Variants in GSE1 observed in about 807,000 individuals in gnomAD.
The protein encoded by GSE1 is Gse1 coiled-coil protein.
GSE1 carries 32 observed loss-of-function variants against 112.6 expected under a neutral mutation model. That is an observed-to-expected ratio of 0.28 (90% CI 0.21 to 0.38). The LOEUF (loss-of-function observed/expected upper bound fraction) is 0.38, where lower values mean the gene tolerates loss of function less well. Ranked by LOEUF, GSE1 falls within the 10% of genes least tolerant of loss-of-function variation. GSE1 has a pLI of 1.00. For missense variants in GSE1, 2,348 were observed against 1,699.2 expected, an observed-to-expected ratio of 1.38 and a Z score of -6.71; for synonymous variants, 1,115 against 735.6, an observed-to-expected ratio of 1.52 and a Z score of -8.35.
At chr16:85,219,113 C>A (rs1258534716) in intron 1 of GSE1, among the ~76,000 whole-genome samples, 1 of 152,150 alleles carries the variant, frequency 6.6e-6, no homozygotes, top group Non-Finnish European at 1.5e-5. Context: ...TCTCCGGACT[C>A]ATGATCCGCC....
chr16:85,384,492 C>G (rs1397643201), intron 2 of GSE1, among the ~76,000 whole-genome samples: 1 of 152,212 alleles, frequency 6.6e-6, no homozygotes, highest in Non-Finnish European at 1.5e-5. Context: ...CCAGATGTGT[C>G]AGAGGGTCCT....
Position 85,436,377 on chromosome 16 carries a change from C to T in GSE1, c.2464+78734C>T, listed in dbSNP as rs552684501. On this transcript the variant is annotated intron_variant, in intron 2 of 2. Coordinates refer to the GSE1 transcript ENST00000637419. ...TGGATCCTGGCCCAGCCCATCCTAG[C>T]CCTGAGTCCAGCCCCAGCATCCCGG... Among the ~76,000 whole-genome samples, 6 of 152,364 alleles carry T rather than the reference C, an allele frequency of 3.9e-5. No individual in the cohort carries two copies. In the East Asian group the frequency reaches 1.2e-3, roughly 29 times the overall value.
intron 2 of GSE1, among the ~76,000 whole-genome samples, chr16:85,457,679 C>A (rs1452923903): frequency 6.6e-6 from 1 of 152,204 alleles, no homozygotes; most frequent in African/African-American, 2.4e-5. Context: ...AGGAAGGAGA[C>A]TTGGGGGTGA....
At chr16:85,258,073 G>T (rs549091870) in intron 1 of GSE1, among the ~76,000 whole-genome samples, 6 of 152,322 alleles carry the variant, frequency 3.9e-5, no homozygotes, top group Non-Finnish European at 5.9e-5. Context: ...TGCCCCCATG[G>T]GCAAAACATT....
chr16:85,651,450 A>G (rs2051348161), intron 3 of GSE1, among the ~76,000 whole-genome samples: 1 of 152,110 alleles, frequency 6.6e-6, no homozygotes, highest in Non-Finnish European at 1.5e-5. Flanking sequence ...CAGGCCAGGA[A>G]GGTGCCATCT....
intron 1 of GSE1, among the ~76,000 whole-genome samples, chr16:85,242,562 G>T (rs1905249811): frequency 6.6e-6 from 1 of 152,244 alleles, no homozygotes; most frequent in African/African-American, 2.4e-5. Flanking sequence ...TTACAGATGG[G>T]TGCACTGAGG....
chr16:85,172,182 C>T (rs558146436), intron 1 of GSE1, among the ~76,000 whole-genome samples: 24 of 152,314 alleles, frequency 1.6e-4, no homozygotes, highest in African/African-American at 5.5e-4. Context: ...TTAGTCCAGC[C>T]GTGCGGGTCA....
intron 1 of GSE1, among the ~76,000 whole-genome samples, chr16:85,339,179 G>C (rs1163103704): frequency 6.6e-6 from 1 of 152,192 alleles, no homozygotes; most frequent in Non-Finnish European, 1.5e-5. Context: ...AGCCAGGCCC[G>C]TAGTAGTTCT....
intron 1 of GSE1, among the ~76,000 whole-genome samples, chr16:85,175,206 C>G (rs1010767373): frequency 1.3e-5 from 2 of 152,196 alleles, no homozygotes; most frequent in African/African-American, 4.8e-5. Flanking sequence ...ACTTTTCCCT[C>G]CAGCTGGGCC....
chr16:85,399,539 G>A (rs983758466), intron 2 of GSE1, among the ~76,000 whole-genome samples: 1 of 152,230 alleles, frequency 6.6e-6, no homozygotes, highest in African/African-American at 2.4e-5. Context: ...CGGGCTTTCA[G>A]AAGCCCCTGC....
intron 1 of GSE1, among the ~76,000 whole-genome samples, chr16:85,213,593 C>T (rs924766606): frequency 1.3e-5 from 2 of 152,258 alleles, no homozygotes; most frequent in Admixed American, 1.3e-4. Context: ...CGTGTCCGGG[C>T]TATGGCTCCT....
chr16:85,417,062 C>T (rs1157747747), intron 2 of GSE1, among the ~76,000 whole-genome samples: 1 of 152,198 alleles, frequency 6.6e-6, no homozygotes, highest in African/African-American at 2.4e-5. Context: ...CACCATGTTG[C>T]CCAGGCTGGT....
chr16:85,181,614 T>G (rs1483081080), intron 1 of GSE1, among the ~76,000 whole-genome samples: 1 of 152,206 alleles, frequency 6.6e-6, no homozygotes, highest in Non-Finnish European at 1.5e-5. Flanking sequence ...TTTATTCACC[T>G]TTCCAGACCC....
chr16:85,255,819 G>A (rs975305236), intron 1 of GSE1, among the ~76,000 whole-genome samples: 3 of 152,096 alleles, frequency 2.0e-5, no homozygotes, highest in African/African-American at 7.2e-5. Context: ...CTCCTGAACA[G>A]CTGGGACTAC....
intron 1 of GSE1, among the ~76,000 whole-genome samples, chr16:85,591,126 A>G (rs145864181): frequency 1.1e-3 from 171 of 152,294 alleles, no homozygotes; most frequent in African/African-American, 3.3e-3. Context: ...ACCCCCTGAC[A>G]TTGGTGGCAA....
chr16:85,283,104 C>T (rs1243069389), intron 1 of GSE1: 2 of 152,792 alleles, frequency 1.3e-5, no homozygotes, highest in Non-Finnish European at 2.9e-5. Context: ...CTGCACAAGG[C>T]TGCTTGGATG....
At chr16:85,479,443 A>G (rs2050605225) in intron 2 of GSE1, among the ~76,000 whole-genome samples, 1 of 151,918 alleles carries the variant, frequency 6.6e-6, no homozygotes, top group African/African-American at 2.4e-5. Flanking sequence ...TGCCGAGGTT[A>G]CAGGCATGAG....
At chr16:85,281,214 G>A (rs2044848689) in intron 1 of GSE1, among the ~76,000 whole-genome samples, 1 of 152,076 alleles carries the variant, frequency 6.6e-6, no homozygotes, top group South Asian at 2.1e-4. Flanking sequence ...GAGGACATCC[G>A]AGGCCTGCAG....
At chr16:85,643,151 G>C (rs947231165) in intron 2 of GSE1, among the ~76,000 whole-genome samples, 2 of 152,316 alleles carry the variant, frequency 1.3e-5, no homozygotes, top group Admixed American at 6.5e-5. Context: ...GTGGGCCTCA[G>C]CGCTAATCTT....
Sources: gnomAD v4.1 joint callset for allele counts (sites outside exome capture counted in the v4.1 genomes callset) on GRCh38, gnomAD v4.1.1 for gene constraint, MANE v1.5 for transcripts, NCBI Gene and HGNC (gene_info 2026-07-23, HGNC 2026-07-21) for gene names.